The following NKTR variants were observed in gnomAD, a reference collection of about 807,000 sequenced individuals.
NKTR encodes natural killer cell triggering receptor, also known as NK-tumor recognition protein.
In NKTR, 67 loss-of-function variants were observed where a neutral mutation model predicts 156.3. The ratio of observed to expected loss-of-function variants is 0.43; its 90% CI spans 0.35 to 0.53. The LOEUF (loss-of-function observed/expected upper bound fraction) is 0.53, where lower values mean the gene tolerates loss of function less well. Ranked by LOEUF, NKTR falls within the 20% of genes least tolerant of loss-of-function variation. The pLI, the probability that NKTR is intolerant of heterozygous loss-of-function variation, is 0.01. For missense variants in NKTR, 1,604 were observed against 1,730.9 expected (o/e 0.93, Z 1.30); for synonymous variants, 640 against 596.6 (o/e 1.07, Z -1.06).
At chr3:42,643,731 C>T in intron 15 of NKTR, 171 bp from the exon 16 acceptor site, 2 of 686,858 alleles carry the variant, frequency 2.9e-6, no homozygotes, top group Admixed American at 2.3e-5. Context: ...TGGTAAGTCT[C>T]ATTTGGGGCA....
chr3:42,639,105 C>A lies in NKTR; in HGVS notation c.3401C>A (p.Pro1134His). The change falls in exon 13 of 17, where the codon CCT becomes CAT. Residue 1134 changes from proline (P) to histidine (H), a missense_variant. Pro to His is a moderately conservative substitution (Grantham distance 77). Coordinates refer to ENST00000232978, the MANE Select transcript of NKTR (RefSeq NM_005385.4). ...GATGACAACATGGAGATCTGCACTC[C>A]TGATAGGAGTTCCCCAGCAAAAGTA... Reference protein sequence around the residue: ...QTDDNMEICTPDRSSPAKVEE... With the variant: ...QTDDNMEICTHDRSSPAKVEE... The A allele has an allele frequency of 6.2e-7, 1 of 1,614,152 alleles. No individual in the cohort carries two copies. The highest frequency in any genetic ancestry group is 8.5e-7 in the Non-Finnish European group (1 of 1,180,030).
At chr3:42,612,352 G>C (rs1371076830) in intron 2 of NKTR, 1 of 152,088 alleles carries the variant, frequency 6.6e-6, no homozygotes, top group Non-Finnish European at 1.5e-5. Context: ...TGATTTTTGA[G>C]TCATGAGAAC....
In NKTR at chr3:42,616,757, T is replaced by G. The variant is rs183646872; in HGVS notation, c.59-813T>G. 2.5e-3 allele frequency among the ~76,000 whole-genome samples: 378 copies of G among 152,252 alleles called. 2 individuals carry two copies. Among genetic ancestry groups the G allele is most frequent in the Non-Finnish European group, 3.6e-3 (245 of 68,010 alleles). On this transcript the variant is annotated intron_variant, in intron 2 of 16. Coordinates refer to ENST00000232978, the MANE Select transcript of NKTR (RefSeq NM_005385.4). The stretch of plus-strand genomic sequence containing the variant: ...CTCTCAGGGGATAGGATGGGGAGTA[T>G]TATTTTAAGAGTCTTGCTCTGTCAC...
chr3:42,610,682 C>T (rs1314991116), intron 2 of NKTR, among the ~76,000 whole-genome samples: 1 of 151,496 alleles, frequency 6.6e-6, no homozygotes, highest in Non-Finnish European at 1.5e-5. Context: ...TGAATAGTGT[C>T]TCTTTTAAAA....
Position 42,646,441 on chromosome 3 carries a change from A to G in NKTR, c.*466A>G, listed in dbSNP as rs920470791. The G allele has an allele frequency of 6.4e-6, 1 of 155,402 alleles. No individual in the cohort carries two copies. Among genetic ancestry groups the G allele is most frequent in the Non-Finnish European group, 1.4e-5 (1 of 69,712 alleles). 9.6% of individuals were successfully genotyped at this position (155,402 alleles called of 1,614,324 possible). On this transcript the variant is annotated 3_prime_UTR_variant, in exon 17 of 17. Coordinates refer to ENST00000232978, the MANE Select transcript of NKTR (RefSeq NM_005385.4). ...CTTGTACATATGTGCTCTAAAAACA[A>G]ACCACCCAGAATTGATACTGTTGGT...
intron 16 of NKTR, among the ~76,000 whole-genome samples, chr3:42,644,976 CTT>C (rs34635399): frequency 7.2e-6 from 1 of 139,334 alleles, no homozygotes; most frequent in Non-Finnish European, 1.5e-5. Flanking sequence ...GGTTTTGTGT[CTT>C]TGTGTGTGTG....
chr3:42,630,297 T>G (rs1387815422), intron 6 of NKTR: 3 of 1,233,066 alleles, frequency 2.4e-6, no homozygotes, highest in African/African-American at 3.1e-5. Flanking sequence ...TGATTTCATA[T>G]GTATGCATAC....
At chr3:42,634,461 AT>A in intron 10 of NKTR, 151 bp from the exon 11 acceptor site, 2 of 490,596 alleles carry the variant, frequency 4.1e-6, no homozygotes, top group Non-Finnish European at 7.4e-6. Context: ...TTCATTAAAT[AT>A]TTTTTAAAGC....
In NKTR at chr3:42,638,485, C is replaced by G; in HGVS notation, c.2781C>G (p.Ile927Met). The G allele has an allele frequency of 6.2e-7, 1 of 1,610,856 alleles. No individual in the cohort carries two copies. The highest frequency in any genetic ancestry group is 8.5e-7 in the Non-Finnish European group (1 of 1,178,978). Reference sequence around the variant, plus strand: ...AATCAGAGGTTAGTGAAATTCACATCAAAGTCAAACCCACAACCAAGTCGT... The same window carrying G: ...AATCAGAGGTTAGTGAAATTCACATGAAAGTCAAACCCACAACCAAGTCGT... ...DSESEVSEIHIKVKPTTKSST... is the reference protein window; with the variant it reads ...DSESEVSEIHMKVKPTTKSST... The change falls in exon 13 of 17, where the codon ATC becomes ATG. Residue 927 changes from isoleucine to methionine, a missense_variant. Physicochemically the swap from Ile to Met is conservative, Grantham distance 10. Coordinates refer to ENST00000232978, the MANE Select transcript of NKTR (RefSeq NM_005385.4).
intron 10 of NKTR, among the ~76,000 whole-genome samples, chr3:42,633,978 T>G (rs547267304): frequency 6.6e-6 from 1 of 152,306 alleles, no homozygotes; most frequent in Non-Finnish European, 1.5e-5. Flanking sequence ...GGCAAGTTGG[T>G]CAGGGAAGCC....
At chr3:42,621,818 A>C (rs1707930393) in intron 6 of NKTR, among the ~76,000 whole-genome samples, 1 of 151,954 alleles carries the variant, frequency 6.6e-6, no homozygotes, top group South Asian at 2.1e-4. Flanking sequence ...TGCTGACTTT[A>C]CCAAAACTAG....
rs1166118098 is a variant in NKTR at position 42,632,722 on chromosome 3, G to A, written c.672G>A (p.Arg224=). Residue 224 remains arginine, a synonymous_variant, in exon 9 of 17, where the codon AGG becomes AGA. Transcript: ENST00000232978. ...TTGAACATGAGAGAAGCAGAAGGAG[G>A]AAACATAAGAGGAGGCCAAAAGTTA... The part of the protein sequence containing the change: ...SELEHERSRR[R]KHKRRPKVKR... 1.2e-6 allele frequency: 2 copies of A among 1,613,630 alleles called. No homozygotes were observed. Among genetic ancestry groups the A allele is most frequent in the Non-Finnish European group, 1.7e-6 (2 of 1,179,902 alleles).
At chr3:42,607,910 A>G (rs1706377123) in intron 2 of NKTR, among the ~76,000 whole-genome samples, 1 of 143,858 alleles carries the variant, frequency 7.0e-6, no homozygotes, top group South Asian at 2.2e-4. Flanking sequence ...AGTTAAGAGA[A>G]ATCAGTTCCA....
At chr3:42,609,149 G>T (rs1464295840) in intron 2 of NKTR, among the ~76,000 whole-genome samples, 2 of 145,972 alleles carry the variant, frequency 1.4e-5, no homozygotes, top group Non-Finnish European at 3.0e-5. Context: ...AAAGAAGAAA[G>T]ATCAAATAGA....
intron 2 of NKTR, among the ~76,000 whole-genome samples, chr3:42,604,776 C>A (rs764533850): frequency 2.1e-5 from 3 of 140,946 alleles, no homozygotes; most frequent in Non-Finnish European, 3.0e-5. Flanking sequence ...ACACCCTCTG[C>A]CTTCCTGGTT....
chr3:42,611,785 A>C (rs1306142168), intron 2 of NKTR, among the ~76,000 whole-genome samples: 8 of 151,930 alleles, frequency 5.3e-5, no homozygotes, highest in African/African-American at 1.7e-4. Flanking sequence ...TCTGCTTCAG[A>C]AAAGTCTACC....
In NKTR at chr3:42,639,505, A is replaced by G. The variant is rs757708405; in HGVS notation, c.3801A>G (p.Lys1267=). 2 of 1,614,202 alleles carry G rather than the reference A, an allele frequency of 1.2e-6. No homozygotes were observed. Among genetic ancestry groups the G allele is most frequent in the Non-Finnish European group, 1.7e-6 (2 of 1,180,024 alleles). The change falls in exon 13 of 17, where the codon AAA becomes AAG. Residue 1267 remains lysine (K), a synonymous_variant. Coordinates refer to ENST00000232978, the MANE Select transcript of NKTR (RefSeq NM_005385.4). ...MKPQGLRIEI[K]SKNKVRPGSL... The stretch of plus-strand genomic sequence containing the variant: ...CACAAGGCTTGAGAATAGAAATTAA[A>G]AGCAAAAATAAAGTTCGGCCTGGGT...
At chr3:42,618,124 G>GT (rs1417149254) in intron 3 of NKTR, among the ~76,000 whole-genome samples, 6 of 152,074 alleles carry the variant, frequency 3.9e-5, no homozygotes, top group Non-Finnish European at 2.9e-5. Context: ...GCCGAGGCAG[G>GT]TGGATCACCT....
intron 2 of NKTR, among the ~76,000 whole-genome samples, chr3:42,615,162 T>A (rs1171214489): frequency 6.6e-6 from 1 of 151,430 alleles, no homozygotes; most frequent in Non-Finnish European, 1.5e-5. Context: ...CACTGCAACC[T>A]CCACCTCCCA....
Sources: allele counts gnomAD v4.1 joint callset (sites outside exome capture counted in the v4.1 genomes callset), GRCh38; gene constraint gnomAD v4.1.1; transcripts MANE v1.5; gene names NCBI Gene and HGNC (gene_info 2026-07-23, HGNC 2026-07-21).